TLL1: variants seen among roughly 807,000 people sequenced by gnomAD.
TLL1 encodes tolloid-like protein 1.
Under a neutral mutation model 128.2 loss-of-function variants are expected in TLL1, and 49 were observed. The observed-to-expected ratio is 0.38, with a 90% CI of 0.30 to 0.48. The LOEUF (loss-of-function observed/expected upper bound fraction) is 0.48, where lower values mean the gene tolerates loss of function less well. Ranked by LOEUF, TLL1 falls within the 20% of genes least tolerant of loss-of-function variation. The probability of loss-of-function intolerance (pLI) is 0.96; values close to 1 mark genes in which losing one functional copy is unlikely to be tolerated. For missense variants in TLL1, 1,123 were observed against 1,242.0 expected, an observed-to-expected ratio of 0.90 and a Z score of 1.44; for synonymous variants, 454 against 418.8, an observed-to-expected ratio of 1.08 and a Z score of -1.03.
At chr4:165,976,198 G>C (rs1735879231) in intron 1 of TLL1, among the ~76,000 whole-genome samples, 1 of 152,070 alleles carries the variant, frequency 6.6e-6, no homozygotes, top group South Asian at 2.1e-4. Flanking sequence ...TGGTAAAAGT[G>C]ACTTCACAGG....
At chr4:165,939,320 A>C (rs545908223) in intron 1 of TLL1, among the ~76,000 whole-genome samples, 6 of 152,242 alleles carry the variant, frequency 3.9e-5, no homozygotes, top group Non-Finnish European at 8.8e-5. Context: ...TTTGAATCTT[A>C]CTAATGACTA....
At chr4:165,948,262 C>A (rs1734349704) in intron 1 of TLL1, among the ~76,000 whole-genome samples, 1 of 152,112 alleles carries the variant, frequency 6.6e-6, no homozygotes, top group Non-Finnish European at 1.5e-5. Context: ...TAACTTGTGT[C>A]TTTAATTTCA....
intron 5 of TLL1, among the ~76,000 whole-genome samples, chr4:165,996,826 TATTA>T (rs766292327): frequency 4.7e-4 from 71 of 149,798 alleles, no homozygotes; most frequent in African/African-American, 1.5e-3. Context: ...ACATATATAG[TATTA>T]ATTAATATAT....
chr4:165,921,795 C>G (rs1469434950), intron 1 of TLL1, among the ~76,000 whole-genome samples: 1 of 152,114 alleles, frequency 6.6e-6, no homozygotes, highest in East Asian at 1.9e-4. Context: ...TGGTTTGAAA[C>G]TCTTTAGCTG....
At chr4:166,082,200 G>A (rs371289699) in intron 18 of TLL1, among the ~76,000 whole-genome samples, 1 of 152,050 alleles carries the variant, frequency 6.6e-6, no homozygotes, top group Non-Finnish European at 1.5e-5. Flanking sequence ...GTGAAAAGAC[G>A]CATTGCTGCC....
rs778509718 is a variant in TLL1, at chr4:166,057,285, G to A, written c.1822G>A (p.Gly608Ser). The A allele has an allele frequency of 1.9e-6, 3 of 1,613,766 alleles. No individual in the cohort carries two copies. Among genetic ancestry groups the A allele is most frequent in the East Asian group, 4.5e-5 (2 of 44,796 alleles). The change falls in exon 14 of 21, where the codon GGC (glycine) becomes AGC (serine). Residue 608 changes from glycine (G) to serine (S), a missense_variant. By Grantham distance (56) the Gly-to-Ser change is moderately conservative. This residue lies in a region of TLL1 where 634 missense variants were observed against 672.4 expected (regional missense o/e 0.94). Transcript: ENST00000061240. ...QCACEPGYEL[G>S]PDRRSCEAAC... The stretch of plus-strand genomic sequence containing the variant: ...TGCCTGTGAGCCTGGCTATGAGCTG[G>A]GCCCAGACAGAAGGAGCTGTGAAGG...
chr4:166,098,612 C>T lies in TLL1; in HGVS notation c.2657-665C>T, dbSNP rs72976367. Among the ~76,000 whole-genome samples, 1,107 of 151,798 alleles carry T rather than the reference C, an allele frequency of 7.3e-3. 17 individuals are homozygous for T. Among genetic ancestry groups the T allele is most frequent in the African/African-American group, 0.025 (1,056 of 41,414 alleles). On this transcript the variant is annotated intron_variant, in intron 19 of 20. Coordinates refer to ENST00000061240, the MANE Select transcript of TLL1 (RefSeq NM_012464.5). ...TATTGTTGGATAGGTTGTAGAACTG[C>T]GAAGATAATTATAATTAATGATATA...
chr4:165,920,591 A>G (rs1579488315), intron 1 of TLL1, among the ~76,000 whole-genome samples: 1 of 152,348 alleles, frequency 6.6e-6, no homozygotes, highest in East Asian at 1.9e-4. Context: ...AGGCAACCTA[A>G]TTTGATGCTT....
intron 8 of TLL1, among the ~76,000 whole-genome samples, chr4:166,019,207 A>G (rs1454061074): frequency 6.6e-6 from 1 of 152,220 alleles, no homozygotes; most frequent in Non-Finnish European, 1.5e-5. Context: ...ACAGGCATAG[A>G]AAACCAAATA....
chr4:166,026,520 C>T (rs923406443), intron 9 of TLL1, among the ~76,000 whole-genome samples: 4 of 152,156 alleles, frequency 2.6e-5, no homozygotes, highest in Admixed American at 2.0e-4. Flanking sequence ...AGCCCCATCT[C>T]TACAAAAAAT....
intron 5 of TLL1, among the ~76,000 whole-genome samples, chr4:165,999,027 C>G (rs1737025710): frequency 6.6e-6 from 1 of 151,948 alleles, no homozygotes; most frequent in African/African-American, 2.4e-5. Flanking sequence ...GTCCTCGTCT[C>G]CATTTGAGAC....
At chr4:165,925,281 C>T (rs943049853) in intron 1 of TLL1, among the ~76,000 whole-genome samples, 1 of 152,202 alleles carries the variant, frequency 6.6e-6, no homozygotes, top group Non-Finnish European at 1.5e-5. Flanking sequence ...TTCACCATTC[C>T]AGATGCCATT....
chr4:165,939,009 CT>C (rs561059826), intron 1 of TLL1, among the ~76,000 whole-genome samples: 33 of 146,320 alleles, frequency 2.3e-4, no homozygotes, highest in Admixed American at 6.8e-4. Flanking sequence ...CTTTGTTTTG[CT>C]TTTTTTTTTA....
intron 1 of TLL1, among the ~76,000 whole-genome samples, chr4:165,952,286 A>G (rs1390951284): frequency 6.6e-6 from 1 of 152,138 alleles, no homozygotes; most frequent in East Asian, 1.9e-4. Flanking sequence ...ATCTATTAAA[A>G]CTACAAAATA....
chr4:166,002,032 C>T (rs573988868), intron 5 of TLL1, among the ~76,000 whole-genome samples: 1 of 152,266 alleles, frequency 6.6e-6, no homozygotes, highest in South Asian at 2.1e-4. Flanking sequence ...TTGTCTTAGT[C>T]TAATCAGGCT....
intron 1 of TLL1, among the ~76,000 whole-genome samples, chr4:165,879,055 T>A (rs917406419): frequency 6.7e-6 from 1 of 150,248 alleles, no homozygotes; most frequent in Non-Finnish European, 1.5e-5. Context: ...TCAGCCTCTG[T>A]AGCAGCTAGG....
At chr4:165,984,623 A>G (rs1488792747) in intron 1 of TLL1, among the ~76,000 whole-genome samples, 1 of 151,968 alleles carries the variant, frequency 6.6e-6, no homozygotes, top group Admixed American at 6.6e-5. Context: ...GTATATGGAA[A>G]AAGTGTAATG....
intron 12 of TLL1, among the ~76,000 whole-genome samples, chr4:166,051,359 G>A (rs1419960255): frequency 1.4e-5 from 1 of 73,004 alleles, no homozygotes; most frequent in African/African-American, 4.9e-5. Flanking sequence ...TCTTTTCTTT[G>A]TTTCTTTTTC....
chr4:165,960,545 A>G (rs1020876295), intron 1 of TLL1, among the ~76,000 whole-genome samples: 4 of 152,174 alleles, frequency 2.6e-5, no homozygotes, highest in African/African-American at 7.2e-5. Context: ...CCTGATGAAC[A>G]TAGATGCAAA....
Sources: gnomAD v4.1 joint callset for allele counts (sites outside exome capture counted in the v4.1 genomes callset) on GRCh38, gnomAD v4.1.1 for gene constraint, gnomAD v4.1.1 regional missense constraint, MANE v1.5 for transcripts, NCBI Gene and HGNC (gene_info 2026-07-23, HGNC 2026-07-21) for gene names.